Variants in ZC3H12B observed in about 807,000 individuals in gnomAD.
The protein encoded by ZC3H12B is probable ribonuclease ZC3H12B.
Under a neutral mutation model 43.9 loss-of-function variants are expected in ZC3H12B, and 7 were observed. The observed-to-expected ratio is 0.16, with a 90% CI of 0.09 to 0.30. ZC3H12B has a LOEUF of 0.30. Ranked by LOEUF, ZC3H12B falls within the 10% of genes least tolerant of loss-of-function variation. ZC3H12B has a pLI of 1.00. For missense variants in ZC3H12B, 475 were observed against 670.2 expected (o/e 0.71, Z 3.22); for synonymous variants, 222 against 241.7 (o/e 0.92, Z 0.76).
the ZC3H12B span, among the ~76,000 whole-genome samples, chrX:65,319,617 C>CA: frequency 1.8e-5 from 2 of 110,754 alleles, no homozygotes; most frequent in African/African-American, 3.3e-5. Context: ...GAGACACACA[C>CA]AAAAAAAGGA....
At chrX:65,103,257 T>A in the ZC3H12B span, among the ~76,000 whole-genome samples, 1 of 111,633 alleles carries the variant, frequency 9.0e-6, no homozygotes, top group Non-Finnish European at 1.9e-5. Context: ...GGCTGTTCCT[T>A]GCTGAGAAAA....
At chrX:65,451,272 G>T (rs1280411852) in intron 3 of ZC3H12B, among the ~76,000 whole-genome samples, 1 of 110,118 alleles carries the variant, frequency 9.1e-6, no homozygotes, top group Non-Finnish European at 1.9e-5. Context: ...TTTTGTTTTT[G>T]TTTTTTTATA....
At chrX:65,216,183 A>G in the ZC3H12B span, among the ~76,000 whole-genome samples, 1 of 112,039 alleles carries the variant, frequency 8.9e-6, no homozygotes, top group Non-Finnish European at 1.9e-5. Flanking sequence ...AAGTGGTCAC[A>G]GTATCTGGTT....
rs766999831 is a variant in ZC3H12B, at chrX:65,436,677, TA to T, written n.407+37980del. On this transcript the variant is annotated intron_variant and non_coding_transcript_variant, in intron 3 of 5. Coordinates refer to the ZC3H12B transcript ENST00000617377. Reference sequence around the variant, plus strand: ...TCAAGATTCTTGGCCCTTCACTTTTTAAAAAAACTTTTGATTTTTAAACTGT... The same window carrying T: ...TCAAGATTCTTGGCCCTTCACTTTTTAAAAAACTTTTGATTTTTAAACTGT... 1.5e-4 allele frequency among the ~76,000 whole-genome samples: 17 copies of T among 111,719 alleles called. No homozygotes were observed. The East Asian group carries it at 3.1e-3, about 20-fold the overall frequency.
chrX:65,391,152 C>T (rs1250275276), intron 2 of ZC3H12B, among the ~76,000 whole-genome samples: 1 of 111,658 alleles, frequency 9.0e-6, no homozygotes, highest in African/African-American at 3.3e-5. Flanking sequence ...CAAAAATATC[C>T]TATATACCCC....
chrX:65,124,932 C>G, the ZC3H12B span, among the ~76,000 whole-genome samples: 1 of 110,736 alleles, frequency 9.0e-6, no homozygotes, highest in African/African-American at 3.3e-5. Flanking sequence ...TATCAAAGAA[C>G]CAGCTTTTTG....
chrX:65,146,537 C>G, the ZC3H12B span, among the ~76,000 whole-genome samples: 1 of 111,446 alleles, frequency 9.0e-6, no homozygotes, highest in Non-Finnish European at 1.9e-5. Context: ...AAAGAACCTC[C>G]TTTTGTCATA....
At chrX:65,410,210 G>A (rs1028877294) in intron 3 of ZC3H12B, among the ~76,000 whole-genome samples, 1 of 110,720 alleles carries the variant, frequency 9.0e-6, no homozygotes, top group Non-Finnish European at 1.9e-5. Flanking sequence ...ACATACTTTG[G>A]GGAAAAGACA....
At chrX:65,081,768 G>C in the ZC3H12B span, among the ~76,000 whole-genome samples, 2 of 111,688 alleles carry the variant, frequency 1.8e-5, no homozygotes, top group Non-Finnish European at 3.8e-5. Context: ...AATCTAAACT[G>C]TAGACCAAAT....
chrX:65,304,368 G>A, the ZC3H12B span, among the ~76,000 whole-genome samples: 8 of 111,752 alleles, frequency 7.2e-5, no homozygotes, highest in Non-Finnish European at 1.3e-4. Context: ...TGTAATCCTA[G>A]CACTTTGGGA....
the ZC3H12B span, among the ~76,000 whole-genome samples, chrX:65,151,004 TATA>T: frequency 8.9e-6 from 1 of 112,069 alleles, no homozygotes; most frequent in African/African-American, 3.2e-5. Context: ...AAATAACATG[TATA>T]ATAATTCATT....
At chrX:65,381,445 T>G (rs1347204790) in intron 2 of ZC3H12B, among the ~76,000 whole-genome samples, 2 of 109,963 alleles carry the variant, frequency 1.8e-5, no homozygotes, top group Non-Finnish European at 3.8e-5. Context: ...CTGAGACACA[T>G]TCAAAGCAGT....
chrX:65,484,355 A>G (rs1041107996), upstream of ZC3H12B, among the ~76,000 whole-genome samples: 1 of 112,226 alleles, frequency 8.9e-6, no homozygotes, highest in African/African-American at 3.2e-5. Flanking sequence ...AACTTAAAAT[A>G]AAAGTTAACA....
intron 3 of ZC3H12B, among the ~76,000 whole-genome samples, chrX:65,446,314 A>G (rs2067375630): frequency 8.9e-6 from 1 of 111,758 alleles, no homozygotes; most frequent in Non-Finnish European, 1.9e-5. Flanking sequence ...TGGGGTTAAG[A>G]GAGAGGTGAC....
At chrX:65,194,229 T>C in the ZC3H12B span, among the ~76,000 whole-genome samples, 1 of 82,854 alleles carries the variant, frequency 1.2e-5, no homozygotes, top group Admixed American at 1.4e-4. Context: ...TTTCAAAAAA[T>C]TTAATTATCT....
At chrX:65,072,653 G>C in the ZC3H12B span, among the ~76,000 whole-genome samples, 1 of 112,025 alleles carries the variant, frequency 8.9e-6, no homozygotes, top group Non-Finnish European at 1.9e-5. Context: ...TTGGGGGGCA[G>C]GGCTCACTCT....
At chrX:65,050,183 C>T in the ZC3H12B span, among the ~76,000 whole-genome samples, 1 of 110,939 alleles carries the variant, frequency 9.0e-6, no homozygotes, top group African/African-American at 3.3e-5. Flanking sequence ...ATTGAAAATA[C>T]AATTGTCCTG....
chrX:65,214,093 A>T, the ZC3H12B span, among the ~76,000 whole-genome samples: 1 of 111,352 alleles, frequency 9.0e-6, no homozygotes. Flanking sequence ...TAAAAATGCT[A>T]ATGATCATCT....
Position 65,371,074 on chromosome X carries a change from T to A in ZC3H12B, n.295+2076T>A, listed in dbSNP as rs757198538. Among the ~76,000 whole-genome samples, 49 of 112,201 alleles carry A rather than the reference T, an allele frequency of 4.4e-4. 1 individual carries two copies. The highest frequency in any genetic ancestry group is 7.3e-4 in the South Asian group (2 of 2,725). ...TTCCAACATTGATATTCTAATATCC[T>A]ATTCTTAATTTTAATAGAAAGATTT... is the stretch of plus-strand genomic sequence containing the variant. On this transcript the variant is annotated intron_variant and non_coding_transcript_variant, in intron 2 of 5. Transcript: ENST00000617377.
Sources: allele counts gnomAD v4.1 joint callset (sites outside exome capture counted in the v4.1 genomes callset), GRCh38; gene constraint gnomAD v4.1.1; transcripts MANE v1.5; gene names NCBI Gene and HGNC (gene_info 2026-07-23, HGNC 2026-07-21).